The following RGS6 variants were observed in gnomAD, a reference collection of about 807,000 sequenced individuals.
RGS6 encodes regulator of G-protein signaling 6.
In RGS6, 30 loss-of-function variants were observed where a neutral mutation model predicts 78.5. That is an observed-to-expected ratio of 0.38 (90% CI 0.29 to 0.52). The LOEUF is 0.52. Ranked by LOEUF, RGS6 falls within the 20% of genes least tolerant of loss-of-function variation. The pLI, the probability that RGS6 is intolerant of heterozygous loss-of-function variation, is 0.85. For missense variants in RGS6, 495 were observed against 609.7 expected, an observed-to-expected ratio of 0.81 and a Z score of 1.98; for synonymous variants, 206 against 206.0, an observed-to-expected ratio of 1.00 and a Z score of 0.00.
rs144316799 is a variant in RGS6, at chr14:72,214,988, A to G, written c.85-137107A>G. On this transcript the variant is annotated intron_variant, in intron 2 of 17. Coordinates refer to ENST00000553525, the MANE Select transcript of RGS6 (RefSeq NM_001204424.2). Reference sequence around the variant, plus strand: ...TGTAAGTGCCAGAACCAGAGTTAGAACTCTGTTATTCTATTTTCTGGTCTA... The same window carrying G: ...TGTAAGTGCCAGAACCAGAGTTAGAGCTCTGTTATTCTATTTTCTGGTCTA... Among the ~76,000 whole-genome samples, 648 of 152,280 alleles carry G rather than the reference A, an allele frequency of 4.3e-3. 4 individuals carry two copies. The highest frequency in any genetic ancestry group is 0.015 in the African/African-American group (612 of 41,568).
the RGS6 span, among the ~76,000 whole-genome samples, chr14:71,907,077 T>G: frequency 6.6e-6 from 1 of 152,214 alleles, no homozygotes; most frequent in Non-Finnish European, 1.5e-5. Context: ...TCAACAAATA[T>G]TGAACATCCC....
chr14:72,006,727 T>G (rs2084645685), intron 2 of RGS6, among the ~76,000 whole-genome samples: 1 of 152,264 alleles, frequency 6.6e-6, no homozygotes, highest in South Asian at 2.1e-4. Context: ...AAATTCTTGT[T>G]GTTTTCAGTT....
At chr14:72,260,222 A>G (rs1156551677) in intron 2 of RGS6, among the ~76,000 whole-genome samples, 1 of 152,078 alleles carries the variant, frequency 6.6e-6, no homozygotes, top group African/African-American at 2.4e-5. Context: ...TAAAGTTGTT[A>G]TTTTTGTCAA....
intron 2 of RGS6, among the ~76,000 whole-genome samples, chr14:72,152,438 G>A (rs576378614): frequency 4.6e-5 from 7 of 152,276 alleles, no homozygotes; most frequent in African/African-American, 1.7e-4. Context: ...AATTAAAGCA[G>A]CTGCCATATT....
At chr14:72,347,588 T>G (rs2078296072) in intron 2 of RGS6, among the ~76,000 whole-genome samples, 1 of 152,190 alleles carries the variant, frequency 6.6e-6, no homozygotes, top group African/African-American at 2.4e-5. Flanking sequence ...GATATAATAA[T>G]CTACCTCCTG....
chr14:71,982,035 A>T (rs1379704727), intron 2 of RGS6, among the ~76,000 whole-genome samples: 2 of 152,166 alleles, frequency 1.3e-5, no homozygotes, highest in Admixed American at 1.3e-4. Context: ...TTCGGGTGGG[A>T]GTGACCCGAT....
At chr14:72,275,946 A>G (rs2153936535) in intron 2 of RGS6, among the ~76,000 whole-genome samples, 1 of 152,296 alleles carries the variant, frequency 6.6e-6, no homozygotes, top group East Asian at 1.9e-4. Context: ...ACTTCTCTCC[A>G]ACGTCTAGAC....
rs79658523 is a variant in RGS6, at chr14:72,490,794, A to G, written c.855-4358A>G. Among the ~76,000 whole-genome samples, 371 of 152,338 alleles carry G rather than the reference A, an allele frequency of 2.4e-3. 1 individual carries two copies. The highest frequency in any genetic ancestry group is 3.5e-3 in the Non-Finnish European group (237 of 68,032). ...TACATCCATCTTCAAAACCAAAATTACCAGGGGCTCTTTCATTTTGATTTG... is the reference window on the plus strand; with the variant it reads ...TACATCCATCTTCAAAACCAAAATTGCCAGGGGCTCTTTCATTTTGATTTG... On this transcript the variant is annotated intron_variant, in intron 12 of 17. Coordinates refer to ENST00000553525, the MANE Select transcript of RGS6 (RefSeq NM_001204424.2).
intron 4 of RGS6, 128 bp from the exon 5 acceptor site, chr14:72,458,143 C>A: frequency 1.5e-6 from 1 of 688,850 alleles, no homozygotes; most frequent in Non-Finnish European, 2.5e-6. Flanking sequence ...CCACACTGAG[C>A]AAGGGCAATT....
the RGS6 span, among the ~76,000 whole-genome samples, chr14:72,628,711 GAGAC>G: frequency 2.0e-5 from 3 of 150,222 alleles, no homozygotes; most frequent in African/African-American, 7.4e-5. Flanking sequence ...CACAGAAAAA[GAGAC>G]AGACAATCTG....
At chr14:72,536,641 G>A (rs1267880009) in intron 16 of RGS6, among the ~76,000 whole-genome samples, 4 of 152,140 alleles carry the variant, frequency 2.6e-5, no homozygotes, top group African/African-American at 9.7e-5. Flanking sequence ...GCCCCTCACT[G>A]CAAAGTCCAG....
At chr14:72,054,599 T>C (rs1158511004) in intron 2 of RGS6, among the ~76,000 whole-genome samples, 1 of 152,214 alleles carries the variant, frequency 6.6e-6, no homozygotes, top group Non-Finnish European at 1.5e-5. Context: ...TGTCCACGCA[T>C]GATCTCCTTT....
chr14:72,506,494 C>A (rs953668317), intron 13 of RGS6, among the ~76,000 whole-genome samples: 5 of 152,136 alleles, frequency 3.3e-5, no homozygotes, highest in African/African-American at 1.2e-4. Flanking sequence ...ATGTTCAAGT[C>A]TTTTCTTAAA....
intron 2 of RGS6, among the ~76,000 whole-genome samples, chr14:72,122,740 GT>G (rs34605194): frequency 0.12 from 15,610 of 132,226 alleles, 880 homozygotes; most frequent in Non-Finnish European, 0.13. Context: ...CTAAGTTATC[GT>G]TTTTTTTTTT....
At chr14:71,961,635 A>G (rs2153039678) in intron 1 of RGS6, among the ~76,000 whole-genome samples, 1 of 152,298 alleles carries the variant, frequency 6.6e-6, no homozygotes, top group Non-Finnish European at 1.5e-5. Context: ...GAAGACTGTG[A>G]AATGCAAGGT....
At chr14:72,071,763 A>G (rs970644869) in intron 2 of RGS6, among the ~76,000 whole-genome samples, 11 of 152,258 alleles carry the variant, frequency 7.2e-5, no homozygotes, top group African/African-American at 2.7e-4. Context: ...TATATATTAC[A>G]TTCTTCATAT....
intron 9 of RGS6, chr14:72,473,827 C>A (rs546660786): frequency 5.3e-5 from 8 of 152,292 alleles, no homozygotes; most frequent in African/African-American, 1.9e-4. Context: ...GATTCATTAA[C>A]ATTAAACTCA....
At chr14:71,919,650 A>T in the RGS6 span, among the ~76,000 whole-genome samples, 1 of 152,192 alleles carries the variant, frequency 6.6e-6, no homozygotes. Context: ...CTTCAACTAT[A>T]TCTCTAATCA....
chr14:72,195,613 G>C (rs2039911982), intron 2 of RGS6, among the ~76,000 whole-genome samples: 1 of 152,194 alleles, frequency 6.6e-6, no homozygotes, highest in Non-Finnish European at 1.5e-5. Context: ...AGCTGAAGAG[G>C]TAGAAAGCAA....
Sources: allele counts gnomAD v4.1 joint callset (sites outside exome capture counted in the v4.1 genomes callset), GRCh38; gene constraint gnomAD v4.1.1; transcripts MANE v1.5; gene names NCBI Gene and HGNC (gene_info 2026-07-23, HGNC 2026-07-21).